PLCB1: variants seen among roughly 807,000 people sequenced by gnomAD.
PLCB1 encodes the protein 1-phosphatidylinositol 4,5-bisphosphate phosphodiesterase beta-1.
Under a neutral mutation model 161.8 loss-of-function variants are expected in PLCB1, and 46 were observed. The ratio of observed to expected loss-of-function variants is 0.28; its 90% CI spans 0.22 to 0.36. The LOEUF (loss-of-function observed/expected upper bound fraction) is 0.36. Ranked by LOEUF, PLCB1 falls within the 10% of genes least tolerant of loss-of-function variation. The pLI is 1.00. For synonymous variants in PLCB1, 517 were observed against 503.7 expected (o/e 1.03, Z -0.35); for missense variants, 1,016 against 1,472.5 (o/e 0.69, Z 5.07).
intron 31 of PLCB1, among the ~76,000 whole-genome samples, chr20:8,878,186 T>C (rs1987844341): frequency 6.6e-6 from 1 of 152,176 alleles, no homozygotes; most frequent in African/African-American, 2.4e-5. Flanking sequence ...AATATATCCA[T>C]AGCTGAAGGT....
chr20:8,549,196 T>A (rs1484020877), intron 3 of PLCB1, among the ~76,000 whole-genome samples: 1 of 152,076 alleles, frequency 6.6e-6, no homozygotes, highest in African/African-American at 2.4e-5. Context: ...AATAAATAAA[T>A]AAATATATAT....
At chr20:8,482,725 A>G (rs1982557422) in intron 3 of PLCB1, among the ~76,000 whole-genome samples, 2 of 152,226 alleles carry the variant, frequency 1.3e-5, no homozygotes, top group Non-Finnish European at 2.9e-5. Context: ...GCAATTTTAT[A>G]GATTGGAAAA....
chr20:8,151,323 C>T lies in PLCB1; in HGVS notation c.177+952C>T, dbSNP rs191588618. ...ACATTAGTTTCTTATATCCAAAGTT[C>T]CTGGAGTTGCCTGTCAGCTTTGCCT... On this transcript the variant is annotated intron_variant, in intron 2 of 31. Coordinates refer to ENST00000338037, the MANE Select transcript of PLCB1 (RefSeq NM_015192.4). 5.0e-4 allele frequency among the ~76,000 whole-genome samples: 76 copies of T among 152,300 alleles called. 3 individuals carry two copies. Among genetic ancestry groups the T allele is most frequent in the South Asian group, 3.7e-3 (18 of 4,826 alleles).
intron 9 of PLCB1, among the ~76,000 whole-genome samples, chr20:8,679,430 T>G (rs1325553291): frequency 1.3e-5 from 2 of 152,184 alleles, no homozygotes; most frequent in Non-Finnish European, 2.9e-5. Context: ...TGGCCCTGAG[T>G]GTAGAGGAGG....
At chr20:8,757,978 C>A (rs1981825932) in intron 24 of PLCB1, among the ~76,000 whole-genome samples, 1 of 151,758 alleles carries the variant, frequency 6.6e-6, no homozygotes. Context: ...GTGTGTATGT[C>A]CTGTTTACCC....
chr20:8,606,442 A>T (rs1226055660), intron 3 of PLCB1, among the ~76,000 whole-genome samples: 5 of 151,616 alleles, frequency 3.3e-5, no homozygotes, highest in South Asian at 2.1e-4. Flanking sequence ...AAAAACTGAT[A>T]AAAAAAAATC....
intron 3 of PLCB1, among the ~76,000 whole-genome samples, chr20:8,541,586 A>AAGAAAGAAAGAAAGAAAGAAAGAAAGAC (rs1568500353): frequency 6.6e-6 from 1 of 151,430 alleles, no homozygotes; most frequent in African/African-American, 2.4e-5. Flanking sequence ...GAAAGAAAGA[A>AAGAAAGAAAGAAAGAAAGAAAGAAAGAC]AGAAAGAAAG....
At chr20:8,259,019 G>A (rs533484675) in intron 2 of PLCB1, among the ~76,000 whole-genome samples, 2 of 152,172 alleles carry the variant, frequency 1.3e-5, no homozygotes, top group East Asian at 1.9e-4. Flanking sequence ...AATATAAATG[G>A]AATCATACAA....
chr20:8,741,590 A>G lies in PLCB1; in HGVS notation c.2523+17A>G, dbSNP rs1980883758. 1 of 1,510,882 alleles carries G rather than the reference A, an allele frequency of 6.6e-7. No individual in the cohort carries two copies. Among genetic ancestry groups the G allele is most frequent in the Non-Finnish European group, 9.2e-7 (1 of 1,087,332 alleles). 93.6% of individuals were successfully genotyped at this position (1,510,882 alleles called of 1,614,324 possible). On this transcript the variant is annotated intron_variant, in intron 23 of 31. Coordinates refer to ENST00000338037, the MANE Select transcript of PLCB1 (RefSeq NM_015192.4). Reference sequence around the variant, plus strand: ...AAGAAAGAGGTGAGAGGGTGTTTTAATTTTACATATAGCATTAAGCATGAT... The same window carrying G: ...AAGAAAGAGGTGAGAGGGTGTTTTAGTTTTACATATAGCATTAAGCATGAT...
At chr20:8,345,155 A>G (rs564044876) in intron 2 of PLCB1, among the ~76,000 whole-genome samples, 1 of 152,314 alleles carries the variant, frequency 6.6e-6, no homozygotes, top group East Asian at 1.9e-4. Context: ...CCTTAGTAGG[A>G]AAAAGGAAAG....
intron 3 of PLCB1, among the ~76,000 whole-genome samples, chr20:8,436,076 C>T (rs1980287237): frequency 6.6e-6 from 1 of 152,120 alleles, no homozygotes; most frequent in Non-Finnish European, 1.5e-5. Flanking sequence ...CAGTGGCTCA[C>T]GCCTGTAATC....
chr20:8,314,645 G>A (rs1232457846), intron 2 of PLCB1, among the ~76,000 whole-genome samples: 2 of 152,196 alleles, frequency 1.3e-5, no homozygotes, highest in African/African-American at 2.4e-5. Context: ...CTTAGCATTT[G>A]TCTTGGCCCA....
intron 2 of PLCB1, among the ~76,000 whole-genome samples, chr20:8,286,798 A>G (rs900254813): frequency 8.5e-5 from 13 of 152,186 alleles, no homozygotes; most frequent in African/African-American, 3.1e-4. Context: ...AGTAGCTGCT[A>G]TATAATAGTC....
chr20:8,732,371 A>G (rs754010218), intron 18 of PLCB1, among the ~76,000 whole-genome samples: 17 of 151,980 alleles, frequency 1.1e-4, no homozygotes, highest in Non-Finnish European at 1.9e-4. Flanking sequence ...CAATGAGGAC[A>G]TCATTTGTCC....
At chr20:8,604,617 G>A (rs1444351343) in intron 3 of PLCB1, among the ~76,000 whole-genome samples, 2 of 152,124 alleles carry the variant, frequency 1.3e-5, no homozygotes, top group African/African-American at 2.4e-5. Context: ...ACAAGGGAAA[G>A]CATTATTTGG....
intron 2 of PLCB1, among the ~76,000 whole-genome samples, chr20:8,356,882 T>C (rs963448843): frequency 6.6e-6 from 1 of 152,192 alleles, no homozygotes; most frequent in Non-Finnish European, 1.5e-5. Context: ...AAGAAAATTA[T>C]GGAAGACTTT....
intron 3 of PLCB1, among the ~76,000 whole-genome samples, chr20:8,450,083 C>T (rs117293692): frequency 1.3e-5 from 2 of 152,188 alleles, no homozygotes; most frequent in Non-Finnish European, 2.9e-5. Flanking sequence ...TTAGCATGAC[C>T]CCGTTGAAGT....
intron 3 of PLCB1, among the ~76,000 whole-genome samples, chr20:8,623,553 A>T (rs1190246389): frequency 6.6e-6 from 1 of 152,200 alleles, no homozygotes; most frequent in Non-Finnish European, 1.5e-5. Context: ...ATGAAAGGGC[A>T]GTCCTCTACC....
chr20:8,378,122 T>C (rs1395789197), intron 3 of PLCB1, among the ~76,000 whole-genome samples: 1 of 152,196 alleles, frequency 6.6e-6, no homozygotes, highest in African/African-American at 2.4e-5. Flanking sequence ...CATCGATGGA[T>C]GAGTGGATAT....
Sources: allele counts gnomAD v4.1 joint callset (sites outside exome capture counted in the v4.1 genomes callset), GRCh38; gene constraint gnomAD v4.1.1; transcripts MANE v1.5; gene names NCBI Gene and HGNC (gene_info 2026-07-23, HGNC 2026-07-21).